PTPRT: variants seen among roughly 807,000 people sequenced by gnomAD.
The protein encoded by PTPRT is receptor-type tyrosine-protein phosphatase T.
Under a neutral mutation model 176.8 loss-of-function variants are expected in PTPRT, and 56 were observed. The ratio of observed to expected loss-of-function variants is 0.32; its 90% CI spans 0.26 to 0.40. The LOEUF (loss-of-function observed/expected upper bound fraction) is 0.40, where lower values mean the gene tolerates loss of function less well. Ranked by LOEUF, PTPRT falls within the 10% of genes least tolerant of loss-of-function variation. PTPRT has a pLI of 1.00. For missense variants in PTPRT, 1,540 were observed against 1,908.2 expected (o/e 0.81, Z 3.60); for synonymous variants, 783 against 739.0 (o/e 1.06, Z -0.96).
chr20:42,856,962 A>C (rs974502054), intron 2 of PTPRT, among the ~76,000 whole-genome samples: 2 of 152,240 alleles, frequency 1.3e-5, no homozygotes, highest in African/African-American at 4.8e-5. Context: ...CAGAAAACCT[A>C]CCATGAATCA....
At chr20:42,435,559 G>A (rs554056445) in intron 9 of PTPRT, among the ~76,000 whole-genome samples, 1 of 152,266 alleles carries the variant, frequency 6.6e-6, no homozygotes, top group East Asian at 1.9e-4. Flanking sequence ...AAAGAGAATG[G>A]GAGGTGCAAG....
In PTPRT at chr20:42,561,586, G is replaced by A. The variant is rs2072952717; in HGVS notation, c.1154-89024C>T. On this transcript the variant is annotated intron_variant, in intron 7 of 30. Transcript: ENST00000373187. The stretch of plus-strand genomic sequence containing the variant: ...GCATGGCTTCTCCAGTTATGGAACT[G>A]TGTGTACTGCTGTTTGGTTCTTGCC... Among the ~76,000 whole-genome samples, 6 of 152,324 alleles carry A rather than the reference G, an allele frequency of 3.9e-5. No homozygotes were observed. In the South Asian group the frequency reaches 1.2e-3, roughly 32 times the overall value.
At chr20:42,491,812 C>T (rs577593860) in intron 7 of PTPRT, among the ~76,000 whole-genome samples, 2 of 152,268 alleles carry the variant, frequency 1.3e-5, no homozygotes, top group African/African-American at 4.8e-5. Flanking sequence ...GACACTTATG[C>T]TATCTTTTTA....
In PTPRT at chr20:42,922,836, T is replaced by C. The variant is rs200678192; in HGVS notation, c.89-36904A>G. ...AATGCCCTTCATGCCCTTATCTTTGTATGCAGGTGAAGCATAGACCACCCT... is the reference window on the plus strand; with the variant it reads ...AATGCCCTTCATGCCCTTATCTTTGCATGCAGGTGAAGCATAGACCACCCT... On this transcript the variant is annotated intron_variant, in intron 1 of 30. Transcript: ENST00000373187. Among the ~76,000 whole-genome samples, 12 of 152,104 alleles carry C rather than the reference T, an allele frequency of 7.9e-5. No individual in the cohort carries two copies. The East Asian group carries it at 2.3e-3, about 29-fold the overall frequency.
chr20:42,943,403 A>G (rs1980687576), intron 1 of PTPRT, among the ~76,000 whole-genome samples: 3 of 152,184 alleles, frequency 2.0e-5, no homozygotes, highest in South Asian at 2.1e-4. Context: ...CTTGTGCCCA[A>G]TGCCTAAAGT....
At chr20:42,929,285 G>A (rs1276151528) in intron 1 of PTPRT, among the ~76,000 whole-genome samples, 1 of 152,248 alleles carries the variant, frequency 6.6e-6, no homozygotes, top group Non-Finnish European at 1.5e-5. Flanking sequence ...CACTTGAAGT[G>A]CGTGTCATTA....
chr20:42,276,442 T>A (rs2057030907), intron 13 of PTPRT, among the ~76,000 whole-genome samples: 1 of 137,040 alleles, frequency 7.3e-6, no homozygotes, highest in African/African-American at 2.7e-5. Context: ...GCTTAGTAGG[T>A]CTGGGTCTCC....
At chr20:42,780,365 C>T (rs2077197473) in intron 3 of PTPRT, 66 bp from the exon 4 acceptor site, 5 of 1,276,676 alleles carry the variant, frequency 3.9e-6, no homozygotes, top group African/African-American at 2.9e-5. Context: ...CAAGAAGCTG[C>T]CCGGCCCCCA....
intron 15 of PTPRT, among the ~76,000 whole-genome samples, chr20:42,223,715 G>A (rs16986684): frequency 0.051 from 7,810 of 152,126 alleles, 343 homozygotes; most frequent in East Asian, 0.17. Flanking sequence ...ATGAAATCCC[G>A]TACCAACCAG....
At chr20:42,512,065 T>C (rs575669553) in intron 7 of PTPRT, among the ~76,000 whole-genome samples, 1 of 152,190 alleles carries the variant, frequency 6.6e-6, no homozygotes, top group Non-Finnish European at 1.5e-5. Context: ...ATAGCAATTT[T>C]GGATGCAACC....
chr20:42,481,764 C>A (rs1249229523), intron 7 of PTPRT, among the ~76,000 whole-genome samples: 2 of 141,896 alleles, frequency 1.4e-5, no homozygotes, highest in African/African-American at 5.4e-5. Flanking sequence ...AAGAAAAAAA[C>A]CATACACACA....
At chr20:43,099,239 T>C (rs111340179) in intron 1 of PTPRT, among the ~76,000 whole-genome samples, 38 of 152,352 alleles carry the variant, frequency 2.5e-4, no homozygotes, top group Non-Finnish European at 4.6e-4. Flanking sequence ...TCCTATATTA[T>C]GTGGAATCTC....
the PTPRT span, among the ~76,000 whole-genome samples, chr20:42,042,941 C>T: frequency 5.3e-5 from 8 of 152,258 alleles, no homozygotes; most frequent in Non-Finnish European, 1.5e-5. Flanking sequence ...AAGACCAGCC[C>T]ATCCAGGTAT....
chr20:42,280,471 T>C (rs1448177301), intron 13 of PTPRT, among the ~76,000 whole-genome samples: 1 of 152,166 alleles, frequency 6.6e-6, no homozygotes, highest in African/African-American at 2.4e-5. Flanking sequence ...AAAACCAGAA[T>C]GCGGATGCTC....
At chr20:42,942,632 C>T (rs997972981) in intron 1 of PTPRT, among the ~76,000 whole-genome samples, 2 of 152,298 alleles carry the variant, frequency 1.3e-5, no homozygotes, top group Admixed American at 1.3e-4. Flanking sequence ...ACTTGGGGAA[C>T]ATAGTATGGG....
At chr20:42,714,850 T>G (rs1188207331) in intron 6 of PTPRT, among the ~76,000 whole-genome samples, 1 of 152,166 alleles carries the variant, frequency 6.6e-6, no homozygotes, top group African/African-American at 2.4e-5. Flanking sequence ...AGAGAGTTCA[T>G]ATGGGGAGTA....
chr20:42,066,909 T>G, the PTPRT span, among the ~76,000 whole-genome samples: 1 of 152,240 alleles, frequency 6.6e-6, no homozygotes, highest in African/African-American at 2.4e-5. Context: ...TTCTTGTGTT[T>G]AGAAAATCTA....
intron 2 of PTPRT, among the ~76,000 whole-genome samples, chr20:42,865,840 A>T (rs932660363): frequency 6.6e-6 from 1 of 152,172 alleles, no homozygotes; most frequent in Non-Finnish European, 1.5e-5. Flanking sequence ...ATGCCGGCTT[A>T]TTCCTGTCTT....
At chr20:43,169,772 C>T (rs975226807) in intron 1 of PTPRT, among the ~76,000 whole-genome samples, 2 of 152,212 alleles carry the variant, frequency 1.3e-5, no homozygotes, top group Non-Finnish European at 2.9e-5. Context: ...GCATGCCTCC[C>T]TGAAGCAGCC....
Sources: allele counts gnomAD v4.1 joint callset (sites outside exome capture counted in the v4.1 genomes callset), GRCh38; gene constraint gnomAD v4.1.1; transcripts MANE v1.5; gene names NCBI Gene and HGNC (gene_info 2026-07-23, HGNC 2026-07-21).